Variants in MSN observed in about 807,000 individuals in gnomAD.
The protein encoded by MSN is moesin.
In MSN, 2 loss-of-function variants were observed where a neutral mutation model predicts 48.0. The observed-to-expected ratio is 0.04, with a 90% CI of 0.02 to 0.13. The LOEUF (loss-of-function observed/expected upper bound fraction) is 0.13. MSN is among the 10% of genes least tolerant of loss of function. The probability of loss-of-function intolerance (pLI) is 1.00; values close to 1 mark genes in which losing one functional copy is unlikely to be tolerated. For missense variants in MSN, 267 were observed against 470.1 expected (o/e 0.57, Z 3.99); for synonymous variants, 146 against 166.9 (o/e 0.87, Z 0.97).
intron 1 of MSN, among the ~76,000 whole-genome samples, chrX:65,658,375 G>T (rs1301294441): frequency 1.8e-5 from 2 of 111,940 alleles, no homozygotes; most frequent in African/African-American, 6.5e-5. Context: ...ATCTGTCTCT[G>T]ACACATTTCT....
rs952358525 is a variant in MSN, at chrX:65,736,900, G to A, written c.1065G>A (p.Glu355=). The change falls in exon 9 of 13, where the codon GAG becomes GAA. Residue 355 remains glutamate, a synonymous_variant. Coordinates refer to ENST00000360270, the MANE Select transcript of MSN (RefSeq NM_002444.3). ...EELMERLKQI[E]EQTKKAQQEL... ...TGATGGAGAGGCTGAAGCAGATCGA[G>A]GAACAGACTAAGAAGGCTCAGCAAG... 1.7e-6 allele frequency: 2 copies of A among 1,205,600 alleles called. No individual in the cohort carries two copies. The highest frequency in any genetic ancestry group is 3.5e-5 in the African/African-American group (2 of 57,750).
intron 1 of MSN, among the ~76,000 whole-genome samples, chrX:65,686,330 G>C (rs1385681549): frequency 8.9e-6 from 1 of 112,412 alleles, no homozygotes; most frequent in East Asian, 2.8e-4. Flanking sequence ...GACTTCCACA[G>C]TTGGTGGGGC....
At chrX:65,661,543 G>A (rs1457478600) in intron 1 of MSN, among the ~76,000 whole-genome samples, 1 of 111,971 alleles carries the variant, frequency 8.9e-6, no homozygotes, top group Non-Finnish European at 1.9e-5. Flanking sequence ...TTGCATCTAT[G>A]CTCATTAGGG....
intron 1 of MSN, among the ~76,000 whole-genome samples, chrX:65,612,150 G>A (rs1356245529): frequency 9.0e-6 from 1 of 111,446 alleles, no homozygotes; most frequent in Non-Finnish European, 1.9e-5. Context: ...AATGAGAGGT[G>A]ATTAGGTCAT....
intron 1 of MSN, among the ~76,000 whole-genome samples, chrX:65,676,896 C>G (rs2071004140): frequency 9.1e-6 from 1 of 110,020 alleles, no homozygotes; most frequent in Non-Finnish European, 1.9e-5. Flanking sequence ...ATGACTTTGG[C>G]TCACTGCAAC....
intron 2 of MSN, among the ~76,000 whole-genome samples, chrX:65,727,011 A>C (rs2071574163): frequency 9.0e-6 from 1 of 111,018 alleles, no homozygotes; most frequent in South Asian, 3.8e-4. Context: ...GGGGCACCTC[A>C]GCTGCTACAC....
chrX:65,603,224 G>C (rs1335724102), intron 1 of MSN, among the ~76,000 whole-genome samples: 3 of 112,046 alleles, frequency 2.7e-5, no homozygotes, highest in Non-Finnish European at 5.6e-5. Context: ...AAGTTGGGAG[G>C]TGTAGGTTGC....
Position 65,722,404 on chromosome X carries a change from C to CGTGTGTGTGTGT in MSN, c.97-5383_97-5372dup, listed in dbSNP as rs55900091. On this transcript the variant is annotated intron_variant, in intron 2 of 12. Coordinates refer to ENST00000360270, the MANE Select transcript of MSN (RefSeq NM_002444.3). The stretch of plus-strand genomic sequence containing the variant: ...TCATTCTCCTCTAGGCGTGCACGCT[C>CGTGTGTGTGTGT]GTGTGTGTGTGTGTGTGTGTGTGTG... Among the ~76,000 whole-genome samples, 302 of 94,685 alleles carry CGTGTGTGTGTGT rather than the reference C, an allele frequency of 3.2e-3. 2 individuals are homozygous for CGTGTGTGTGTGT. Among genetic ancestry groups the CGTGTGTGTGTGT allele is most frequent in the African/African-American group, 0.012 (283 of 23,748 alleles). The allele number at this position is 94,685 out of a possible 115,157, so 82.2% of individuals were successfully genotyped here.
chrX:65,616,805 C>A (rs1282271711), intron 1 of MSN, among the ~76,000 whole-genome samples: 7 of 109,378 alleles, frequency 6.4e-5, no homozygotes, highest in African/African-American at 2.3e-4. Context: ...GGGAATGCTT[C>A]CAGTTTTTTC....
At chrX:65,633,542 C>T (rs2070575174) in intron 1 of MSN, among the ~76,000 whole-genome samples, 1 of 111,957 alleles carries the variant, frequency 8.9e-6, no homozygotes, top group African/African-American at 3.2e-5. Flanking sequence ...CCTGTATTTC[C>T]CCAGGCCTCT....
chrX:65,698,118 C>T (rs1172335775), intron 1 of MSN, among the ~76,000 whole-genome samples: 1 of 110,387 alleles, frequency 9.1e-6, no homozygotes, highest in Non-Finnish European at 1.9e-5. Context: ...GGGTGGGCAC[C>T]GGAAAATGGG....
chrX:65,680,528 A>G (rs924189655), intron 1 of MSN, among the ~76,000 whole-genome samples: 2 of 111,555 alleles, frequency 1.8e-5, no homozygotes, highest in African/African-American at 3.3e-5. Flanking sequence ...ATACATTCCC[A>G]TGAATGTGAA....
At chrX:65,597,505 C>T (rs372079344) in intron 1 of MSN, among the ~76,000 whole-genome samples, 1 of 110,474 alleles carries the variant, frequency 9.1e-6, no homozygotes, top group African/African-American at 3.3e-5. Flanking sequence ...CAACACCATG[C>T]CCAGCTAATT....
intron 2 of MSN, among the ~76,000 whole-genome samples, chrX:65,723,136 G>A (rs2147505600): frequency 8.9e-6 from 1 of 111,773 alleles, no homozygotes; most frequent in South Asian, 3.7e-4. Context: ...TTAAGCTAGT[G>A]TCTTAAAAAC....
chrX:65,685,218 C>T (rs1302743582), intron 1 of MSN, among the ~76,000 whole-genome samples: 1 of 112,355 alleles, frequency 8.9e-6, no homozygotes, highest in East Asian at 2.8e-4. Context: ...TTTCTATGCT[C>T]AGTAGGCCCC....
chrX:65,696,154 G>A (rs989788766), intron 1 of MSN, among the ~76,000 whole-genome samples: 32 of 109,653 alleles, frequency 2.9e-4, no homozygotes, highest in African/African-American at 9.4e-4. Flanking sequence ...TGTATAGAAT[G>A]GTAATTTCTC....
At chrX:65,629,709 C>T (rs926731100) in intron 1 of MSN, among the ~76,000 whole-genome samples, 7 of 111,562 alleles carry the variant, frequency 6.3e-5, no homozygotes, top group African/African-American at 2.3e-4. Context: ...TCCAGCAGAT[C>T]TTGTGAGACT....
chrX:65,675,115 AAGAC>A (rs776335802), intron 1 of MSN, among the ~76,000 whole-genome samples: 13 of 112,107 alleles, frequency 1.2e-4, no homozygotes, highest in African/African-American at 2.9e-4. Context: ...GATAAGAAAG[AAGAC>A]AGGTAGTTGA....
chrX:65,594,960 C>T (rs952310130), intron 1 of MSN, among the ~76,000 whole-genome samples: 2 of 111,660 alleles, frequency 1.8e-5, no homozygotes, highest in Non-Finnish European at 3.8e-5. Context: ...CCACCCTACA[C>T]CTCCAGCATG....
Sources: allele counts gnomAD v4.1 joint callset (sites outside exome capture counted in the v4.1 genomes callset), GRCh38; gene constraint gnomAD v4.1.1; transcripts MANE v1.5; gene names NCBI Gene and HGNC (gene_info 2026-07-23, HGNC 2026-07-21).